CNGA1: variants seen among roughly 807,000 people sequenced by gnomAD.
CNGA1 encodes the protein cyclic nucleotide gated channel subunit alpha 1.
CNGA1 carries 53 observed loss-of-function variants against 69.7 expected under a neutral mutation model. That is an observed-to-expected ratio of 0.76 (90% CI 0.61 to 0.96). The LOEUF (loss-of-function observed/expected upper bound fraction) is 0.96, where lower values mean the gene tolerates loss of function less well. Among genes scored for constraint, CNGA1 ranks in the 40% least tolerant of loss-of-function variants. The pLI, the probability that CNGA1 is intolerant of heterozygous loss-of-function variation, is 0.00. For missense variants in CNGA1, 739 were observed against 811.2 expected (o/e 0.91, Z 1.08); for synonymous variants, 249 against 283.5 (o/e 0.88, Z 1.22).
chr4:47,993,068 T>C (rs933055959), intron 2 of CNGA1, among the ~76,000 whole-genome samples: 4 of 152,206 alleles, frequency 2.6e-5, no homozygotes, highest in African/African-American at 9.6e-5. Flanking sequence ...ATTATCTTTT[T>C]CATATGTTGT....
intron 2 of CNGA1, among the ~76,000 whole-genome samples, chr4:47,999,753 C>A (rs530878435): frequency 4.1e-4 from 62 of 152,230 alleles, no homozygotes; most frequent in African/African-American, 1.5e-3. Flanking sequence ...CGCCTGTAGT[C>A]CCGGCTACCC....
chr4:47,952,461 A>G, intron 4 of CNGA1, 122 bp downstream of exon 4: 2 of 815,798 alleles, frequency 2.5e-6, no homozygotes, highest in Non-Finnish European at 3.7e-6. Flanking sequence ...GTGTAAATAA[A>G]TTTGCTAAAT....
intron 3 of CNGA1, among the ~76,000 whole-genome samples, chr4:47,980,837 G>A (rs1189751891): frequency 2.6e-5 from 4 of 151,584 alleles, no homozygotes; most frequent in Non-Finnish European, 4.4e-5. Context: ...AAGGCAAGGT[G>A]ATTTAAATTC....
In CNGA1 at chr4:47,992,431, TAA is replaced by T. The variant is rs199666915; in HGVS notation, c.-122-10933_-122-10932del. 8.6e-4 allele frequency among the ~76,000 whole-genome samples: 125 copies of T among 146,034 alleles called. 4 individuals carry two copies. The South Asian group carries it at 0.025, about 29-fold the overall frequency. On this transcript the variant is annotated intron_variant, in intron 2 of 10. Transcript: ENST00000514170. ...TATTTTGGTTTTTTTGCAGCTATTG[TAA>T]AAAAAAGTTTGAGTTCTTGATTTGA...
At chr4:47,993,058 A>C (rs1026312987) in intron 2 of CNGA1, among the ~76,000 whole-genome samples, 22 of 152,074 alleles carry the variant, frequency 1.4e-4, no homozygotes, top group African/African-American at 5.3e-4. Flanking sequence ...ATCAGGGTGG[A>C]TTATCTTTTT....
intron 6 of CNGA1, among the ~76,000 whole-genome samples, chr4:47,947,900 C>T (rs1270168040): frequency 1.3e-5 from 2 of 152,156 alleles, no homozygotes; most frequent in Admixed American, 6.5e-5. Context: ...GTTTTTTGCT[C>T]GTAGTGAACA....
intron 2 of CNGA1, among the ~76,000 whole-genome samples, chr4:47,999,241 A>G (rs1430229390): frequency 3.3e-5 from 5 of 152,224 alleles, no homozygotes; most frequent in Non-Finnish European, 7.3e-5. Flanking sequence ...ATCATAGGCA[A>G]AAATACATAG....
intron 10 of CNGA1, among the ~76,000 whole-genome samples, chr4:47,938,433 A>C (rs1738826524): frequency 6.7e-6 from 1 of 148,814 alleles, no homozygotes; most frequent in Admixed American, 6.7e-5. Flanking sequence ...TTGCTCTGTC[A>C]CCTAGGCTGG....
chr4:48,008,099 G>GT (rs921574737), intron 2 of CNGA1, among the ~76,000 whole-genome samples: 3 of 151,858 alleles, frequency 2.0e-5, no homozygotes, highest in Non-Finnish European at 2.9e-5. Context: ...ATGTTTTTGG[G>GT]TTTTTTTACA....
chr4:47,975,099 A>C (rs1033000442), intron 3 of CNGA1, among the ~76,000 whole-genome samples: 2 of 152,244 alleles, frequency 1.3e-5, no homozygotes, highest in African/African-American at 4.8e-5. Flanking sequence ...CTTGTTAAAG[A>C]GACAAAGAAA....
intron 3 of CNGA1, among the ~76,000 whole-genome samples, chr4:47,974,780 C>G (rs1741261808): frequency 6.6e-6 from 1 of 150,724 alleles, no homozygotes; most frequent in Non-Finnish European, 1.5e-5. Context: ...TGTGCCTGCT[C>G]TGCAAAAGAG....
At chr4:48,015,056 T>C (rs554888827) in intron 1 of CNGA1, among the ~76,000 whole-genome samples, 4 of 151,216 alleles carry the variant, frequency 2.6e-5, no homozygotes, top group Non-Finnish European at 4.4e-5. Flanking sequence ...GGGGCGCCTG[T>C]AGTCCCAGCT....
chr4:47,997,835 C>T (rs1714455964), intron 2 of CNGA1, among the ~76,000 whole-genome samples: 1 of 152,104 alleles, frequency 6.6e-6, no homozygotes, highest in Non-Finnish European at 1.5e-5. Context: ...AGTGGGCTCC[C>T]ACAAATCAAC....
At chr4:47,959,720 C>T (rs1002557740) in intron 3 of CNGA1, among the ~76,000 whole-genome samples, 5 of 152,158 alleles carry the variant, frequency 3.3e-5, no homozygotes, top group African/African-American at 1.2e-4. Context: ...TATCTTGCCT[C>T]AGTCACCAGA....
Position 47,955,184 on chromosome 4 carries a change from T to C in CNGA1, c.-14-2481A>G, listed in dbSNP as rs1345513500. On this transcript the variant is annotated intron_variant, in intron 3 of 10. Transcript: ENST00000514170. ...CTCTTTTTTCTTTTCTTTTTTTTTT[T>C]TTTTTTTTTTTTTTTTGAGACAGAG... 4.7e-3 allele frequency among the ~76,000 whole-genome samples: 170 copies of C among 35,842 alleles called. 3 individuals carry two copies. In the East Asian group the frequency reaches 0.061, roughly 13 times the overall value. The allele number at this position is 35,842 out of a possible 152,430, so 23.5% of individuals were successfully genotyped here.
At chr4:47,943,699 C>G (rs1027032419) in intron 6 of CNGA1, among the ~76,000 whole-genome samples, 1 of 151,914 alleles carries the variant, frequency 6.6e-6, no homozygotes, top group Non-Finnish European at 1.5e-5. Flanking sequence ...AACAACAGCC[C>G]CCCAAGAGTG....
intron 9 of CNGA1, 72 bp downstream of exon 9, chr4:47,941,969 G>A: frequency 1.1e-6 from 1 of 905,934 alleles, no homozygotes; most frequent in Non-Finnish European, 1.7e-6. Flanking sequence ...AAGTCAAATT[G>A]TTTAGTCAGT....
intron 10 of CNGA1, among the ~76,000 whole-genome samples, chr4:47,940,016 C>T (rs899271038): frequency 3.3e-5 from 5 of 152,170 alleles, no homozygotes; most frequent in African/African-American, 1.2e-4. Flanking sequence ...CTCCCTTAGA[C>T]ACTTGGGATC....
chr4:47,988,854 C>A (rs925720352), intron 2 of CNGA1, among the ~76,000 whole-genome samples: 5 of 151,608 alleles, frequency 3.3e-5, no homozygotes, highest in Admixed American at 2.0e-4. Flanking sequence ...CCTAGGTATA[C>A]GTGGTGATCG....
Sources: allele counts gnomAD v4.1 joint callset (sites outside exome capture counted in the v4.1 genomes callset), GRCh38; gene constraint gnomAD v4.1.1; transcripts MANE v1.5; gene names NCBI Gene and HGNC (gene_info 2026-07-23, HGNC 2026-07-21).